Variants in ACSM2B observed in about 807,000 individuals in gnomAD.
ACSM2B encodes the protein acyl-CoA synthetase medium chain family member 2B.
In ACSM2B, 58 loss-of-function variants were observed where a neutral mutation model predicts 78.6. The ratio of observed to expected loss-of-function variants is 0.74; its 90% CI spans 0.60 to 0.92. The LOEUF is 0.92. Among genes scored for constraint, ACSM2B ranks in the 40% least tolerant of loss-of-function variants. ACSM2B has a pLI of 0.00. For missense variants in ACSM2B, 688 were observed against 711.2 expected (o/e 0.97, Z 0.37); for synonymous variants, 257 against 256.8 (o/e 1.00, Z -0.01).
At chr16:20,541,713 C>G (rs7200237) in intron 12 of ACSM2B, 1 of 113,658 alleles carries the variant, frequency 8.8e-6, no homozygotes. Context: ...GACAGAGTCT[C>G]ACTCTGTCAC....
chr16:20,569,512 T>C (rs968796453), intron 1 of ACSM2B, among the ~76,000 whole-genome samples: 2 of 152,048 alleles, frequency 1.3e-5, no homozygotes, highest in Non-Finnish European at 2.9e-5. Context: ...ATGTGATGCC[T>C]CCAGATTTGT....
Position 20,543,170 on chromosome 16 carries a change from A to T in ACSM2B, c.1374T>A (p.Phe458Leu). The change falls in exon 11 of 14, where the codon TTT (phenylalanine) becomes TTA (leucine). Residue 458 changes from phenylalanine to leucine, a missense_variant. Physicochemically the swap from Phe to Leu is conservative, Grantham distance 22. Coordinates refer to ENST00000329697, the MANE Select transcript of ACSM2B (RefSeq NM_001105069.2). ...TAATGATATCATCTGCCCGTCCCAT[A>T]AACTGGAAATACCCATCTTCATCTT... is the stretch of plus-strand genomic sequence containing the variant. ...GIKDEDGYFQ[F>L]MGRADDIINS... The T allele has an allele frequency of 6.2e-7, 1 of 1,613,862 alleles. No individual in the cohort carries two copies. The highest frequency in any genetic ancestry group is 2.2e-5 in the East Asian group (1 of 44,886).
At chr16:20,567,231 A>ATTATATATATATAT (rs2015927293) in intron 1 of ACSM2B, among the ~76,000 whole-genome samples, 1 of 129,688 alleles carries the variant, frequency 7.7e-6, no homozygotes, top group African/African-American at 2.9e-5. Context: ...TACTATATAT[A>ATTATATATATATAT]ATATATAGTG....
Position 20,542,992 on chromosome 16 carries a change from CT to C in ACSM2B, c.1430del (p.Glu477GlyfsTer2), listed in dbSNP as rs766278911. On this transcript the variant is annotated frameshift_variant, in exon 12 of 14. Coordinates refer to ENST00000329697, the MANE Select transcript of ACSM2B (RefSeq NM_001105069.2). LOFTEE classifies it high-confidence loss of function. ...GGTGCTTCATCAGTGCATTCTCTAC[CT>C]CCGAGGGTCCAATCCGGTACCTGCA... is the stretch of plus-strand genomic sequence containing the variant. ...NSSGYRIGPS[E>X]VENALMKHPA... 1 of 1,613,664 alleles carries C rather than the reference CT, an allele frequency of 6.2e-7. No individual in the cohort carries two copies. Among genetic ancestry groups the C allele is most frequent in the African/African-American group, 1.3e-5 (1 of 74,724 alleles).
chr16:20,559,630 T>C (rs1446763166), intron 2 of ACSM2B, among the ~76,000 whole-genome samples, 183 bp from the exon 3 acceptor site: 1 of 150,216 alleles, frequency 6.7e-6, no homozygotes, highest in African/African-American at 2.5e-5. Context: ...TATCTATCAA[T>C]ATCTACCATA....
chr16:20,571,440 A>T (rs1369576233), intron 1 of ACSM2B, among the ~76,000 whole-genome samples: 3 of 151,852 alleles, frequency 2.0e-5, no homozygotes. Flanking sequence ...AGAGTACTTG[A>T]TATAATTTCA....
chr16:20,555,581 G>A (rs990959297), intron 3 of ACSM2B, 105 bp from the exon 4 acceptor site: 48 of 1,548,406 alleles, frequency 3.1e-5, no homozygotes, highest in Non-Finnish European at 3.8e-5. Flanking sequence ...AGGAGAGGAT[G>A]GGGAAGTAAT....
Position 20,536,972 on chromosome 16 carries a change from C to G in ACSM2B, c.*286G>C. 1 of 274,226 alleles carries G rather than the reference C, an allele frequency of 3.6e-6. No individual in the cohort carries two copies. Among genetic ancestry groups the G allele is most frequent in the East Asian group, 6.5e-5 (1 of 15,296 alleles). 17.0% of individuals were successfully genotyped at this position (274,226 alleles called of 1,614,324 possible). A position where few individuals can be genotyped will look rare whatever the true frequency, so the allele number is the denominator to read the frequency against. On this transcript the variant is annotated 3_prime_UTR_variant, in exon 14 of 14. Coordinates refer to ENST00000329697, the MANE Select transcript of ACSM2B (RefSeq NM_001105069.2). ...TGCTTCCTCTCGCCTTCCCTCCCTA[C>G]TTTATTTCTTTTTCAATTGCTTTCT...
rs190486271 is a variant in ACSM2B, at chr16:20,546,970, T to C, written c.1099-496A>G. ...CATTTCCTCAAGCAGTAAAATATACTTTTTAAAGTATCTCCCATGGCAGCA... is the reference window on the plus strand; with the variant it reads ...CATTTCCTCAAGCAGTAAAATATACCTTTTAAAGTATCTCCCATGGCAGCA... On this transcript the variant is annotated intron_variant, in intron 8 of 13. Transcript: ENST00000329697. 6.6e-5 allele frequency: 22 copies of C among 332,814 alleles called. No individual in the cohort carries two copies. In the East Asian group the frequency reaches 1.5e-3, roughly 23 times the overall value. 20.6% of individuals were successfully genotyped at this position (332,814 alleles called of 1,614,324 possible).
intron 1 of ACSM2B, among the ~76,000 whole-genome samples, chr16:20,571,537 G>T (rs1203334575): frequency 3.3e-5 from 5 of 149,832 alleles, no homozygotes; most frequent in African/African-American, 1.2e-4. Context: ...AATAAAATGT[G>T]TATTCCATGG....
chr16:20,572,999 A>T, intron 1 of ACSM2B, among the ~76,000 whole-genome samples: 1 of 145,264 alleles, frequency 6.9e-6, no homozygotes, highest in African/African-American at 2.5e-5. Context: ...CTTAAATTGG[A>T]CTTCACCTTT....
At chr16:20,547,763 C>A (rs2015183118) in intron 8 of ACSM2B, 6 of 1,030,620 alleles carry the variant, frequency 5.8e-6, no homozygotes, top group Admixed American at 8.3e-5. Flanking sequence ...ACTTCTCACC[C>A]CATCTCATCT....
At chr16:20,566,009 A>G (rs1330984014) in intron 1 of ACSM2B, among the ~76,000 whole-genome samples, 2 of 150,690 alleles carry the variant, frequency 1.3e-5, no homozygotes, top group East Asian at 3.9e-4. Context: ...ATTGCTTTTT[A>G]TGGCTGAGTA....
chr16:20,566,820 TTA>T (rs1354071649), intron 1 of ACSM2B, among the ~76,000 whole-genome samples: 2 of 114,334 alleles, frequency 1.7e-5, no homozygotes, highest in African/African-American at 3.3e-5. Flanking sequence ...TTATACATTT[TTA>T]TATCTTTTAT....
intron 1 of ACSM2B, among the ~76,000 whole-genome samples, chr16:20,567,742 T>C (rs1596737567): frequency 7.2e-6 from 1 of 139,732 alleles, no homozygotes; most frequent in South Asian, 2.1e-4. Flanking sequence ...AGTGAATTTA[T>C]ATATATAATA....
intron 1 of ACSM2B, among the ~76,000 whole-genome samples, chr16:20,573,712 C>T (rs1429002333): frequency 6.6e-6 from 1 of 150,560 alleles, no homozygotes; most frequent in Non-Finnish European, 1.5e-5. Context: ...TACAGCTGGG[C>T]CTCTGGGGCT....
At position 20,545,112 on chromosome 16, in the gene ACSM2B, C is replaced by T. The variant is rs1431384962; in HGVS notation, c.1281+45G>A. 38 of 1,586,176 alleles carry T rather than the reference C, an allele frequency of 2.4e-5. No homozygotes were observed. The East Asian group carries it at 8.6e-4, about 36-fold the overall frequency. Reference sequence around the variant, plus strand: ...GTCCTCCCTCATCCCGTTTAGTGCTCCCATCCTCACTGGGGAACAGAGGAG... The same window carrying T: ...GTCCTCCCTCATCCCGTTTAGTGCTTCCATCCTCACTGGGGAACAGAGGAG... On this transcript the variant is annotated intron_variant, in intron 10 of 13. Transcript: ENST00000329697.
At position 20,540,403 on chromosome 16, in the gene ACSM2B, A is replaced by G. The variant is rs1180118523; in HGVS notation, c.1629+251T>C. Among the ~76,000 whole-genome samples the G allele has an allele frequency of 1.1e-4, 16 of 151,980 alleles. No homozygotes were observed. The South Asian group carries it at 3.1e-3, about 30-fold the overall frequency. On this transcript the variant is annotated intron_variant, in intron 13 of 13. Transcript: ENST00000329697. ...GATTACAGGCACATGCCACTACACC[A>G]GGCTAATTTTTGCATTTTGGGTAGA...
At chr16:20,548,594 G>T in intron 6 of ACSM2B, 121 bp from the exon 7 acceptor site, 1 of 1,566,986 alleles carries the variant, frequency 6.4e-7, no homozygotes, top group South Asian at 1.2e-5. Flanking sequence ...ACCCTAGCTT[G>T]TTTACTATGT....
Sources: allele counts gnomAD v4.1 joint callset (sites outside exome capture counted in the v4.1 genomes callset), GRCh38; gene constraint gnomAD v4.1.1; transcripts MANE v1.5; gene names NCBI Gene and HGNC (gene_info 2026-07-23, HGNC 2026-07-21).